ABLIM1: variants seen among roughly 807,000 people sequenced by gnomAD.
ABLIM1 encodes actin binding LIM protein 1, also known as actin-binding LIM protein 1.
ABLIM1 carries 40 observed loss-of-function variants against 107.0 expected under a neutral mutation model. The observed-to-expected ratio is 0.37, with a 90% confidence interval of 0.29 to 0.49. ABLIM1 has a LOEUF of 0.49. Among genes scored for constraint, ABLIM1 ranks in the 20% least tolerant of loss-of-function variants. ABLIM1 has a pLI of 0.97. For synonymous variants in ABLIM1, 357 were observed against 357.3 expected, an observed-to-expected ratio of 1.00 and a Z score of 0.01; for missense variants, 857 against 1,008.5, an observed-to-expected ratio of 0.85 and a Z score of 2.04.
the ABLIM1 span, among the ~76,000 whole-genome samples, chr10:114,783,977 A>G: frequency 6.6e-6 from 1 of 152,072 alleles, no homozygotes; most frequent in South Asian, 2.1e-4. Flanking sequence ...TCGTTTCTGG[A>G]CAATGGGGAC....
chr10:114,634,129 C>CTTTTTTTTTTTTTTTTTTTTTTTTTT lies in ABLIM1; in HGVS notation c.244+23827_244+23828insAAAAAAAAAAAAAAAAAAAAAAAAAA, dbSNP rs745875295. Among the ~76,000 whole-genome samples, 9 of 68,288 alleles carry CTTTTTTTTTTTTTTTTTTTTTTTTTT rather than the reference C, an allele frequency of 1.3e-4. 1 individual carries two copies. The highest frequency in any genetic ancestry group is 1.8e-4 in the Non-Finnish European group (7 of 39,484). 44.8% of individuals were successfully genotyped at this position (68,288 alleles called of 152,430 possible). On this transcript the variant is annotated intron_variant, in intron 1 of 22. Coordinates refer to ENST00000533213, the MANE Select transcript of ABLIM1 (RefSeq NM_002313.7). ...CGTAAATGCCATTAGCTCAATTTTTCTTTTTTTTTTTTTTTTTTTTTGAGA... is the reference window on the plus strand; with the variant it reads ...CGTAAATGCCATTAGCTCAATTTTTCTTTTTTTTTTTTTTTTTTTTTTTTTTTTTTTTTTTTTTTTTTTTTTTGAGA...
intron 8 of ABLIM1, among the ~76,000 whole-genome samples, chr10:114,484,082 C>A (rs770910534): frequency 2.0e-5 from 3 of 152,104 alleles, no homozygotes; most frequent in Non-Finnish European, 4.4e-5. Flanking sequence ...ATTTAATGTT[C>A]TCCTTCTTCT....
intron 8 of ABLIM1, among the ~76,000 whole-genome samples, chr10:114,483,955 G>A (rs2057781846): frequency 6.6e-6 from 1 of 152,208 alleles, no homozygotes; most frequent in Admixed American, 6.5e-5. Context: ...CAGCCTGGCT[G>A]TTCCTCTGCC....
At chr10:114,720,043 G>A (rs1028391635) in intron 1 of ABLIM1, among the ~76,000 whole-genome samples, 1 of 152,030 alleles carries the variant, frequency 6.6e-6, no homozygotes, top group African/African-American at 2.4e-5. Context: ...CCCATGACAG[G>A]CCCCAGTGTG....
At chr10:114,786,328 T>G in the ABLIM1 span, among the ~76,000 whole-genome samples, 1 of 152,148 alleles carries the variant, frequency 6.6e-6, no homozygotes, top group African/African-American at 2.4e-5. Flanking sequence ...TACAATATCA[T>G]GAAAAGCTAC....
chr10:114,547,243 T>C (rs1317197977), intron 5 of ABLIM1, among the ~76,000 whole-genome samples: 1 of 152,128 alleles, frequency 6.6e-6, no homozygotes, highest in Non-Finnish European at 1.5e-5. Flanking sequence ...GGCTGTTTTG[T>C]GCAGTCCTAA....
intron 1 of ABLIM1, among the ~76,000 whole-genome samples, chr10:114,723,360 G>A (rs902899143): frequency 3.9e-5 from 6 of 152,124 alleles, no homozygotes; most frequent in Admixed American, 2.6e-4. Flanking sequence ...TCTGTAACCT[G>A]GCCAAAGTCT....
chr10:114,782,484 C>T, the ABLIM1 span, among the ~76,000 whole-genome samples: 1 of 152,140 alleles, frequency 6.6e-6, no homozygotes, highest in African/African-American at 2.4e-5. Flanking sequence ...AAGCCTGACA[C>T]GTTCAGAGAC....
At chr10:114,645,174 G>A (rs1292122767) in intron 1 of ABLIM1, among the ~76,000 whole-genome samples, 2 of 152,186 alleles carry the variant, frequency 1.3e-5, no homozygotes, top group African/African-American at 2.4e-5. Flanking sequence ...CAAGTCAGAT[G>A]TGATTACTAG....
rs7475053 is a variant in ABLIM1 at position 114,718,058 on chromosome 10, A to G, written c.-213+50003T>C. ...GAAAGAGAAAGAGAAAGAAAGAAAGAAAGAAAGGAAGAAAGGAAGGAAGGA... is the reference window on the plus strand; with the variant it reads ...GAAAGAGAAAGAGAAAGAAAGAAAGGAAGAAAGGAAGAAAGGAAGGAAGGA... On this transcript the variant is annotated intron_variant, in intron 1 of 15. Transcript: ENST00000651092. 5.1e-3 allele frequency among the ~76,000 whole-genome samples: 306 copies of G among 59,544 alleles called. 2 individuals are homozygous for G. The highest frequency in any genetic ancestry group is 0.015 in the African/African-American group (230 of 15,642). 39.1% of individuals were successfully genotyped at this position (59,544 alleles called of 152,430 possible). A position where few individuals can be genotyped will look rare whatever the true frequency, so the allele number is the denominator to read the frequency against.
At chr10:114,516,446 C>G (rs2062826410) in intron 6 of ABLIM1, among the ~76,000 whole-genome samples, 1 of 152,126 alleles carries the variant, frequency 6.6e-6, no homozygotes, top group African/African-American at 2.4e-5. Flanking sequence ...ACAGCTTGAA[C>G]TGGGGAGACA....
intron 1 of ABLIM1, among the ~76,000 whole-genome samples, chr10:114,702,833 G>A (rs574884076): frequency 2.6e-5 from 4 of 152,050 alleles, no homozygotes; most frequent in African/African-American, 4.8e-5. Flanking sequence ...ATCATAGCTA[G>A]AATTATTCAT....
chr10:114,631,717 G>C (rs936378105), intron 1 of ABLIM1, among the ~76,000 whole-genome samples: 1 of 151,816 alleles, frequency 6.6e-6, no homozygotes, highest in African/African-American at 2.4e-5. Context: ...CCGATGCGGT[G>C]GTGAAATTAA....
intron 5 of ABLIM1, among the ~76,000 whole-genome samples, chr10:114,546,630 C>G (rs2067382343): frequency 1.3e-5 from 2 of 152,160 alleles, no homozygotes; most frequent in South Asian, 4.1e-4. Context: ...TCAGCCTTAC[C>G]CTGGGCCTGT....
chr10:114,707,077 A>G lies in ABLIM1; in HGVS notation c.-213+60984T>C, dbSNP rs1010376903. ...AGAAAGGTAAAAAGAAACAGGTAAA[A>G]TTAATTTTAAGATTTTTAAGATTTT... On this transcript the variant is annotated intron_variant, in intron 1 of 15. Coordinates refer to the ABLIM1 transcript ENST00000651092. This position sits in a 1 kb window ranked among gnomAD's most constrained non-coding sequence, Gnocchi z 4.1. Among the ~76,000 whole-genome samples, 9 of 152,340 alleles carry G rather than the reference A, an allele frequency of 5.9e-5. No individual in the cohort carries two copies. The highest frequency in any genetic ancestry group is 1.9e-4 in the African/African-American group (8 of 41,574).
intron 1 of ABLIM1, among the ~76,000 whole-genome samples, chr10:114,654,114 G>A (rs998663773): frequency 1.3e-5 from 2 of 152,226 alleles, no homozygotes; most frequent in Admixed American, 6.5e-5. Context: ...TCGTAGCACA[G>A]GAACATGCAT....
At chr10:114,690,650 T>C (rs1375459350) in intron 1 of ABLIM1, 6 of 649,650 alleles carry the variant, frequency 9.2e-6, no homozygotes, top group Non-Finnish European at 1.6e-5. Flanking sequence ...TGGCTGATAC[T>C]ACAGGGCTCC....
intron 1 of ABLIM1, among the ~76,000 whole-genome samples, chr10:114,722,963 C>T (rs950370188): frequency 2.6e-5 from 4 of 152,098 alleles, no homozygotes; most frequent in South Asian, 2.1e-4. Context: ...GTATATAGCT[C>T]GCTTGCAGAC....
At chr10:114,497,006 G>A (rs979615073) in intron 6 of ABLIM1, among the ~76,000 whole-genome samples, 7 of 152,240 alleles carry the variant, frequency 4.6e-5, no homozygotes, top group Admixed American at 6.5e-5. Context: ...AGACGGCAGT[G>A]CATATGCAAA....
Sources: allele counts gnomAD v4.1 joint callset (sites outside exome capture counted in the v4.1 genomes callset), GRCh38; gene constraint gnomAD v4.1.1; non-coding constraint Gnocchi (gnomAD v3.1); transcripts MANE v1.5; gene names NCBI Gene and HGNC (gene_info 2026-07-23, HGNC 2026-07-21).